The following SLC35F3 variants were observed in gnomAD, a reference collection of about 807,000 sequenced individuals.
SLC35F3 encodes the protein putative thiamine transporter SLC35F3.
SLC35F3 carries 25 observed loss-of-function variants against 49.9 expected under a neutral mutation model. The observed-to-expected ratio is 0.50, with a 90% CI of 0.37 to 0.70. The LOEUF (loss-of-function observed/expected upper bound fraction) is 0.70. Among genes scored for constraint, SLC35F3 ranks in the 30% least tolerant of loss-of-function variants. SLC35F3 has a pLI of 0.00. For synonymous variants in SLC35F3, 275 were observed against 265.4 expected (o/e 1.04, Z -0.35); for missense variants, 525 against 639.8 (o/e 0.82, Z 1.94).
intron 2 of SLC35F3, among the ~76,000 whole-genome samples, chr1:233,923,011 G>A (rs887624968): frequency 1.1e-4 from 16 of 151,986 alleles, no homozygotes; most frequent in Non-Finnish European, 1.6e-4. Flanking sequence ...GTCTATATCC[G>A]CGTTTTGGTA....
rs564341361 is a variant in SLC35F3, at chr1:234,278,494, G to GA, written c.609-30596dup. On this transcript the variant is annotated intron_variant, in intron 3 of 7. Coordinates refer to ENST00000366618, the MANE Select transcript of SLC35F3 (RefSeq NM_173508.4). ...AACAGAGCGAGACTCTGTTTCAAAA[G>GA]AAAAAAAAAAACGAAAAAAAAAGAG... Among the ~76,000 whole-genome samples, 240 of 105,506 alleles carry GA rather than the reference G, an allele frequency of 2.3e-3. 1 individual carries two copies. Among genetic ancestry groups the GA allele is most frequent in the African/African-American group, 5.4e-3 (156 of 28,776 alleles). 69.2% of individuals were successfully genotyped at this position (105,506 alleles called of 152,430 possible).
intron 3 of SLC35F3, chr1:234,261,965 T>A (rs1667912748): frequency 6.6e-6 from 1 of 152,228 alleles, no homozygotes; most frequent in Non-Finnish European, 1.5e-5. Context: ...CACCTTTCTA[T>A]CTCCACAGTA....
intron 2 of SLC35F3, among the ~76,000 whole-genome samples, chr1:234,045,934 C>T (rs994919089): frequency 2.0e-5 from 3 of 152,042 alleles, no homozygotes; most frequent in Non-Finnish European, 4.4e-5. Context: ...CCTTGTTCAA[C>T]TACTATTTAT....
intron 2 of SLC35F3, among the ~76,000 whole-genome samples, chr1:234,099,627 A>AAT (rs71170456): frequency 6.7e-6 from 1 of 149,614 alleles, no homozygotes; most frequent in Non-Finnish European, 1.5e-5. Context: ...AAAAAAAAAA[A>AAT]CAAAAAAAAG....
In SLC35F3 at chr1:234,105,357, G is replaced by T. The variant is rs1665271286; in HGVS notation, c.284-126060G>T. On this transcript the variant is annotated intron_variant, in intron 2 of 7. Transcript: ENST00000366618. ...GAAGTGAGACTAGGACCTCATCAAA[G>T]AAGACCTTCTGTCCCCAGGGCAGGG... Among the ~76,000 whole-genome samples the T allele has an allele frequency of 2.0e-5, 3 of 152,302 alleles. No homozygotes were observed. The South Asian group carries it at 6.2e-4, about 32-fold the overall frequency.
intron 2 of SLC35F3, among the ~76,000 whole-genome samples, chr1:233,952,066 C>T (rs1471459337): frequency 6.6e-6 from 1 of 152,024 alleles, no homozygotes; most frequent in Non-Finnish European, 1.5e-5. Flanking sequence ...TCATTTCTAA[C>T]CTCTGTCATT....
At chr1:234,124,967 C>A (rs1211444310) in intron 2 of SLC35F3, among the ~76,000 whole-genome samples, 1 of 152,196 alleles carries the variant, frequency 6.6e-6, no homozygotes, top group Admixed American at 6.5e-5. Context: ...TCTCAGCTTT[C>A]TTTTGGTTTG....
At chr1:234,115,967 G>A (rs1428540137) in intron 2 of SLC35F3, among the ~76,000 whole-genome samples, 2 of 152,166 alleles carry the variant, frequency 1.3e-5, no homozygotes, top group African/African-American at 4.8e-5. Context: ...GAAAGGGTGA[G>A]CAGTAGGGGA....
chr1:234,156,891 A>G (rs1666161410), intron 2 of SLC35F3, among the ~76,000 whole-genome samples: 1 of 152,202 alleles, frequency 6.6e-6, no homozygotes, highest in South Asian at 2.1e-4. Flanking sequence ...ACACCATTTA[A>G]ATGAGGTGTC....
chr1:234,284,735 G>A (rs1002342293), intron 3 of SLC35F3, among the ~76,000 whole-genome samples: 2 of 152,284 alleles, frequency 1.3e-5, no homozygotes, highest in Non-Finnish European at 2.9e-5. Context: ...CAGGTAACTC[G>A]TTCTGAATGA....
chr1:234,196,106 G>A (rs181776172), intron 2 of SLC35F3, among the ~76,000 whole-genome samples: 253 of 152,246 alleles, frequency 1.7e-3, no homozygotes, highest in African/African-American at 5.7e-3. Flanking sequence ...ACCAAACTGA[G>A]AACTAGGGAT....
chr1:234,286,407 G>A (rs1354203220), intron 3 of SLC35F3, among the ~76,000 whole-genome samples: 2 of 152,188 alleles, frequency 1.3e-5, no homozygotes, highest in Non-Finnish European at 2.9e-5. Context: ...GGGCGGGGGC[G>A]GGCAGCCCGA....
At chr1:234,259,935 T>A (rs1446760577) in intron 3 of SLC35F3, among the ~76,000 whole-genome samples, 2 of 152,254 alleles carry the variant, frequency 1.3e-5, no homozygotes, top group African/African-American at 4.8e-5. Flanking sequence ...CAGACCCCTT[T>A]CATTAAGAGT....
intron 2 of SLC35F3, among the ~76,000 whole-genome samples, chr1:234,229,497 T>G (rs2102949580): frequency 6.6e-6 from 1 of 152,360 alleles, no homozygotes; most frequent in African/African-American, 2.4e-5. Flanking sequence ...GCAGCATCAC[T>G]GCCTAGTTTG....
chr1:234,016,316 T>TTTC (rs2102840331), intron 2 of SLC35F3, among the ~76,000 whole-genome samples: 1 of 152,198 alleles, frequency 6.6e-6, no homozygotes, highest in East Asian at 1.9e-4. Context: ...TTGAAACCAG[T>TTTC]ATGTTGAAGA....
chr1:234,071,176 T>G (rs543733949), intron 2 of SLC35F3, among the ~76,000 whole-genome samples: 7 of 152,352 alleles, frequency 4.6e-5, no homozygotes, highest in African/African-American at 1.7e-4. Flanking sequence ...GTCAAGAATC[T>G]ATCAATAATA....
intron 2 of SLC35F3, among the ~76,000 whole-genome samples, chr1:234,139,951 T>TAATAAAATAAAATAAAGTAAAATAA (rs1665868637): frequency 1.1e-5 from 1 of 90,564 alleles, no homozygotes; most frequent in Admixed American, 1.2e-4. Context: ...CATCTCAAAA[T>TAATAAAATAAAATAAAGTAAAATAA]AATAAAATAA....
chr1:234,035,321 C>G (rs1211276672), intron 2 of SLC35F3, among the ~76,000 whole-genome samples: 1 of 152,018 alleles, frequency 6.6e-6, no homozygotes, highest in African/African-American at 2.4e-5. Context: ...GCTCTTGTGT[C>G]CTTTAACATC....
chr1:234,301,119 A>C (rs1668684926), intron 3 of SLC35F3, among the ~76,000 whole-genome samples: 1 of 152,218 alleles, frequency 6.6e-6, no homozygotes. Flanking sequence ...TGTCCAGGCA[A>C]GGGTGGTATC....
Sources: allele counts gnomAD v4.1 joint callset (sites outside exome capture counted in the v4.1 genomes callset), GRCh38; gene constraint gnomAD v4.1.1; transcripts MANE v1.5; gene names NCBI Gene and HGNC (gene_info 2026-07-23, HGNC 2026-07-21).